The following RAP1GAP2 variants were observed in gnomAD, a reference collection of about 807,000 sequenced individuals.
The protein encoded by RAP1GAP2 is rap1 GTPase-activating protein 2.
Under a neutral mutation model 95.0 loss-of-function variants are expected in RAP1GAP2, and 27 were observed. The observed-to-expected ratio is 0.28, with a 90% CI of 0.21 to 0.39. RAP1GAP2 has a LOEUF of 0.39. RAP1GAP2 is among the 10% of genes least tolerant of loss of function. The pLI is 1.00. For missense variants in RAP1GAP2, 771 were observed against 970.0 expected (o/e 0.79, Z 2.72); for synonymous variants, 373 against 380.9 (o/e 0.98, Z 0.24).
intron 3 of RAP1GAP2, among the ~76,000 whole-genome samples, chr17:2,929,875 C>T (rs1219547723): frequency 3.3e-5 from 5 of 152,204 alleles, no homozygotes; most frequent in Admixed American, 6.5e-5. Context: ...CAGTGCACCC[C>T]GAGATCACCA....
At chr17:2,823,162 T>C (rs923077712) in intron 2 of RAP1GAP2, among the ~76,000 whole-genome samples, 1 of 152,128 alleles carries the variant, frequency 6.6e-6, no homozygotes, top group Non-Finnish European at 1.5e-5. Context: ...ACCTCATCCC[T>C]GACATTTTCT....
chr17:2,792,981 C>T (rs988137807), upstream of RAP1GAP2, among the ~76,000 whole-genome samples: 2 of 152,152 alleles, frequency 1.3e-5, no homozygotes, highest in African/African-American at 2.4e-5. Context: ...AGAATGCATG[C>T]GGCGGGCAGC....
chr17:2,776,268 G>A (rs1385605286), upstream of RAP1GAP2, among the ~76,000 whole-genome samples: 1 of 152,192 alleles, frequency 6.6e-6, no homozygotes, highest in Non-Finnish European at 1.5e-5. Flanking sequence ...TCTGTACCCC[G>A]TCCCGGGTCC....
At chr17:2,778,448 A>G (rs9890805) in intron 1 of RAP1GAP2, among the ~76,000 whole-genome samples, 77,937 of 151,826 alleles carry the variant, frequency 0.51, 20,559 homozygotes, top group East Asian at 0.87. Flanking sequence ...ATGTTGAGGC[A>G]ATTTGGTGGG....
At chr17:2,785,836 T>A (rs924384010) in intron 1 of RAP1GAP2, among the ~76,000 whole-genome samples, 1 of 151,128 alleles carries the variant, frequency 6.6e-6, no homozygotes, top group Non-Finnish European at 1.5e-5. Flanking sequence ...TCTCTGAGGC[T>A]CCAGTTACTT....
rs1236592204 is a variant in RAP1GAP2 at position 2,904,633 on chromosome 17, C to T, written c.81-651C>T. Among the ~76,000 whole-genome samples the T allele has an allele frequency of 2.6e-5, 4 of 151,418 alleles. No homozygotes were observed. The highest frequency in any genetic ancestry group is 4.9e-5 in the African/African-American group (2 of 41,230). The stretch of plus-strand genomic sequence containing the variant: ...CTCCCCTCCTCTTCTCACACCCAGC[C>T]CCAGTCCTGGATCTCTTTAGCCCCG... On this transcript the variant is annotated intron_variant, in intron 2 of 24. Coordinates refer to ENST00000254695, the MANE Select transcript of RAP1GAP2 (RefSeq NM_015085.5). This position sits in a 1 kb window ranked among gnomAD's most constrained non-coding sequence, Gnocchi z 4.7.
rs201212119 is a variant in RAP1GAP2, at chr17:2,757,873, AT to A, written c.50+2120del. ...TTGGGCTGGACCTGATGATGCCTGA[AT>A]TTTTTTTTTTTTTGAGATGGAGTCT... On this transcript the variant is annotated intron_variant, in intron 1 of 25. Coordinates refer to the RAP1GAP2 transcript ENST00000637138. Among the ~76,000 whole-genome samples, 433 of 144,700 alleles carry A rather than the reference AT, an allele frequency of 3.0e-3. 1 individual carries two copies. Among genetic ancestry groups the A allele is most frequent in the African/African-American group, 6.8e-3 (267 of 39,478 alleles). The allele number at this position is 144,700 out of a possible 152,430, so 94.9% of individuals were successfully genotyped here.
chr17:2,959,356 C>G (rs1022753013), intron 4 of RAP1GAP2, among the ~76,000 whole-genome samples: 21 of 152,128 alleles, frequency 1.4e-4, no homozygotes, highest in African/African-American at 4.6e-4. Context: ...TTTATTCTCC[C>G]TCTGTCTGTG....
chr17:2,845,844 G>A lies in RAP1GAP2; in HGVS notation c.80+45294G>A, dbSNP rs145656250. Among the ~76,000 whole-genome samples, 686 of 150,908 alleles carry A rather than the reference G, an allele frequency of 4.5e-3. 3 individuals carry two copies. Among genetic ancestry groups the A allele is most frequent in the African/African-American group, 0.016 (666 of 41,124 alleles). ...CCACTACACTCTAACCTGGGTGACA[G>A]AGTGAGGCTCTGTCTTAAAATAAAT... On this transcript the variant is annotated intron_variant, in intron 2 of 24. Transcript: ENST00000254695.
At chr17:2,919,042 G>T (rs959182593) in intron 3 of RAP1GAP2, among the ~76,000 whole-genome samples, 1 of 152,068 alleles carries the variant, frequency 6.6e-6, no homozygotes, top group African/African-American at 2.4e-5. Context: ...TTGTCAGGAC[G>T]CCCTGATTTC....
At chr17:2,828,859 G>T (rs1319150484) in intron 2 of RAP1GAP2, among the ~76,000 whole-genome samples, 1 of 151,942 alleles carries the variant, frequency 6.6e-6, no homozygotes, top group Admixed American at 6.6e-5. Context: ...CTTCCCTCCC[G>T]GTTTCTGGGT....
At chr17:2,784,322 G>A (rs1287484629) in intron 1 of RAP1GAP2, among the ~76,000 whole-genome samples, 1 of 150,502 alleles carries the variant, frequency 6.6e-6, no homozygotes, top group African/African-American at 2.4e-5. Flanking sequence ...CCAGGCTGGA[G>A]TACAGTGGCG....
chr17:2,819,239 C>G (rs1438565469), intron 2 of RAP1GAP2, among the ~76,000 whole-genome samples: 2 of 151,842 alleles, frequency 1.3e-5, no homozygotes, highest in East Asian at 3.9e-4. Context: ...CCAGGATGGT[C>G]TCGATCTCCT....
intron 9 of RAP1GAP2, 28 bp downstream of exon 9, chr17:2,980,393 G>A: frequency 1.2e-6 from 2 of 1,607,544 alleles, no homozygotes; most frequent in Non-Finnish European, 1.7e-6. Context: ...GAGAGATGGT[G>A]GCTTCCTCTC....
intron 2 of RAP1GAP2, chr17:2,854,108 C>G: frequency 1.3e-5 from 13 of 985,432 alleles, no homozygotes; most frequent in Non-Finnish European, 1.4e-5. Flanking sequence ...AAAAGGTAAA[C>G]CCCTGCAGCG....
At chr17:2,783,160 G>T (rs1232895299) in intron 1 of RAP1GAP2, among the ~76,000 whole-genome samples, 1 of 152,112 alleles carries the variant, frequency 6.6e-6, no homozygotes, top group African/African-American at 2.4e-5. Context: ...CCGTTCTTCT[G>T]CTGTTCCCTC....
chr17:2,975,833 T>C (rs920356137), intron 8 of RAP1GAP2, among the ~76,000 whole-genome samples: 1 of 152,236 alleles, frequency 6.6e-6, no homozygotes, highest in African/African-American at 2.4e-5. Flanking sequence ...CACTAAGCCG[T>C]GTGCTCCCAC....
intron 2 of RAP1GAP2, among the ~76,000 whole-genome samples, chr17:2,887,064 A>G (rs2073527591): frequency 6.6e-6 from 1 of 152,028 alleles, no homozygotes; most frequent in Non-Finnish European, 1.5e-5. Context: ...GATGATGATG[A>G]CGAATAATAG....
At chr17:2,885,217 A>G (rs2073450003) in intron 2 of RAP1GAP2, among the ~76,000 whole-genome samples, 1 of 151,982 alleles carries the variant, frequency 6.6e-6, no homozygotes, top group South Asian at 2.1e-4. Flanking sequence ...TATTTCTGGT[A>G]GAGATGGGGT....
Sources: allele counts gnomAD v4.1 joint callset (sites outside exome capture counted in the v4.1 genomes callset), GRCh38; gene constraint gnomAD v4.1.1; non-coding constraint Gnocchi (gnomAD v3.1); transcripts MANE v1.5; gene names NCBI Gene and HGNC (gene_info 2026-07-23, HGNC 2026-07-21).